CNTLN: variants seen among roughly 807,000 people sequenced by gnomAD.
CNTLN encodes the protein centlein, also known as centlein, centrosomal protein.
CNTLN carries 212 observed loss-of-function variants against 180.0 expected under a neutral mutation model. The ratio of observed to expected loss-of-function variants is 1.18; its 90% confidence interval spans 1.05 to 1.32. The LOEUF (loss-of-function observed/expected upper bound fraction) is 1.32, where lower values mean the gene tolerates loss of function less well. CNTLN is among the 40% of genes most tolerant of loss of function. The pLI is 0.00. For missense variants in CNTLN, 2,095 were observed against 1,610.9 expected (o/e 1.30, Z -5.14); for synonymous variants, 722 against 563.1 (o/e 1.28, Z -3.99).
chr9:17,439,454 A>T (rs1363917332), intron 18 of CNTLN, among the ~76,000 whole-genome samples: 1 of 152,198 alleles, frequency 6.6e-6, no homozygotes, highest in African/African-American at 2.4e-5. Context: ...CTAAAAACTA[A>T]TGGGTCAAAG....
rs1444349958 is a variant in CNTLN at position 17,218,582 on chromosome 9, T to A, written c.450-7621T>A. Among the ~76,000 whole-genome samples, 6 of 152,278 alleles carry A rather than the reference T, an allele frequency of 3.9e-5. No individual in the cohort carries two copies. The East Asian group carries it at 1.2e-3, about 29-fold the overall frequency. On this transcript the variant is annotated intron_variant, in intron 2 of 25. Coordinates refer to ENST00000380647, the MANE Select transcript of CNTLN (RefSeq NM_017738.4). ...ATTAAGTCTTACTGTTTTAGAATCT[T>A]AGTGTTTACTAGAAATTGGGAATTG...
chr9:17,205,445 G>T (rs935753476), intron 2 of CNTLN, among the ~76,000 whole-genome samples: 2 of 152,128 alleles, frequency 1.3e-5, no homozygotes, highest in African/African-American at 2.4e-5. Context: ...CACCAGACTG[G>T]GAAGCAACAG....
intron 19 of CNTLN, among the ~76,000 whole-genome samples, chr9:17,458,031 A>G (rs1189817927): frequency 6.6e-6 from 1 of 151,986 alleles, no homozygotes; most frequent in Non-Finnish European, 1.5e-5. Flanking sequence ...CCTTTCAGGC[A>G]TGTAATGCGT....
At chr9:17,219,018 A>T (rs929386574) in intron 2 of CNTLN, among the ~76,000 whole-genome samples, 1 of 152,220 alleles carries the variant, frequency 6.6e-6, no homozygotes, top group African/African-American at 2.4e-5. Flanking sequence ...GTGGCTAAGT[A>T]CAGCATTGTT....
At position 17,135,476 on chromosome 9, in the gene CNTLN, C is replaced by CG. The variant is rs1384525652; in HGVS notation, c.360+51_360+52insG. ...TTTCCCCACCACAGCGGGGCCGGGA[C>CG]CCGTGGGGAGGCGCGCCTTTCTCCC... On this transcript the variant is annotated intron_variant, in intron 1 of 25. Coordinates refer to ENST00000380647, the MANE Select transcript of CNTLN (RefSeq NM_017738.4). 2.6e-6 allele frequency: 4 copies of CG among 1,541,228 alleles called. No individual in the cohort carries two copies. In the Admixed American group the frequency reaches 8.1e-5, roughly 31 times the overall value.
intron 1 of CNTLN, 89 bp downstream of exon 1, chr9:17,135,514 C>G: frequency 7.0e-7 from 1 of 1,437,062 alleles, no homozygotes; most frequent in South Asian, 1.4e-5. Flanking sequence ...TGCCTTGGGA[C>G]CTACCCCGCC....
intron 18 of CNTLN, among the ~76,000 whole-genome samples, chr9:17,434,304 TTC>T: frequency 1.3e-5 from 2 of 152,130 alleles, no homozygotes; most frequent in African/African-American, 4.8e-5. Flanking sequence ...TTTGGTCTTT[TTC>T]TAACTGCTTG....
chr9:17,413,129 A>G (rs1827976913), intron 16 of CNTLN, among the ~76,000 whole-genome samples: 1 of 121,130 alleles, frequency 8.3e-6, no homozygotes, highest in Non-Finnish European at 2.1e-5. Flanking sequence ...CCACATAAGT[A>G]TGAACAACTG....
intron 21 of CNTLN, among the ~76,000 whole-genome samples, chr9:17,465,051 A>G (rs1290733765): frequency 1.3e-5 from 2 of 150,818 alleles, no homozygotes; most frequent in Non-Finnish European, 3.0e-5. Flanking sequence ...ATGGGAATGG[A>G]GTTGTACATG....
chr9:17,146,744 T>A (rs1818483908), intron 2 of CNTLN, among the ~76,000 whole-genome samples: 2 of 152,214 alleles, frequency 1.3e-5, no homozygotes, highest in East Asian at 3.9e-4. Context: ...AAGATTCTCT[T>A]TGATTATTTG....
chr9:17,384,290 G>GA (rs34297599), intron 13 of CNTLN, among the ~76,000 whole-genome samples: 46,067 of 148,330 alleles, frequency 0.31, 7,190 homozygotes, highest in South Asian at 0.43. Context: ...TAAATAAAAT[G>GA]AAAAAAAAAA....
At chr9:17,521,345 G>A in the CNTLN span, among the ~76,000 whole-genome samples, 2 of 151,134 alleles carry the variant, frequency 1.3e-5, no homozygotes, top group South Asian at 2.1e-4. Flanking sequence ...CACTAATAGA[G>A]CAATCTTAGG....
At chr9:17,366,286 G>A (rs899454032) in intron 12 of CNTLN, among the ~76,000 whole-genome samples, 2 of 135,648 alleles carry the variant, frequency 1.5e-5, no homozygotes, top group Non-Finnish European at 3.2e-5. Flanking sequence ...TAACCATGAT[G>A]GGCTAGTTGT....
At chr9:17,341,003 G>C (rs1329777909) in intron 11 of CNTLN, 55 bp downstream of exon 11, 20 of 1,492,174 alleles carry the variant, frequency 1.3e-5, no homozygotes, top group Non-Finnish European at 1.7e-5. Context: ...GAATGGAGTA[G>C]CATTATATAG....
intron 6 of CNTLN, among the ~76,000 whole-genome samples, chr9:17,295,224 C>T (rs1401590452): frequency 6.6e-6 from 1 of 152,100 alleles, no homozygotes; most frequent in African/African-American, 2.4e-5. Context: ...CCACACCTCC[C>T]TGCAAGCTGA....
chr9:17,302,642 T>C (rs1818453581), intron 7 of CNTLN, among the ~76,000 whole-genome samples: 1 of 152,216 alleles, frequency 6.6e-6, no homozygotes, highest in African/African-American at 2.4e-5. Flanking sequence ...AGACATTGCA[T>C]GCTATGATGT....
intron 2 of CNTLN, among the ~76,000 whole-genome samples, chr9:17,202,630 T>C (rs1328074570): frequency 6.7e-6 from 1 of 148,416 alleles, no homozygotes; most frequent in Non-Finnish European, 1.5e-5. Flanking sequence ...TATCAGAGCC[T>C]AGGATTGCAA....
chr9:17,220,383 G>T (rs1389695699), intron 2 of CNTLN, among the ~76,000 whole-genome samples: 1 of 151,906 alleles, frequency 6.6e-6, no homozygotes, highest in Non-Finnish European at 1.5e-5. Flanking sequence ...TAGAAGAGGG[G>T]ATTATAAAGA....
chr9:17,159,713 C>A (rs573985300), intron 2 of CNTLN, among the ~76,000 whole-genome samples: 2 of 152,134 alleles, frequency 1.3e-5, no homozygotes, highest in African/African-American at 4.8e-5. Context: ...TTGGCTGCAG[C>A]TGTCTGGAAT....
Sources: gnomAD v4.1 joint callset for allele counts (sites outside exome capture counted in the v4.1 genomes callset) on GRCh38, gnomAD v4.1.1 for gene constraint, MANE v1.5 for transcripts, NCBI Gene and HGNC (gene_info 2026-07-23, HGNC 2026-07-21) for gene names.